SLC25A25: variants seen among roughly 807,000 people sequenced by gnomAD.
SLC25A25 encodes the protein mitochondrial adenyl nucleotide antiporter SLC25A25.
In SLC25A25, 32 loss-of-function variants were observed where a neutral mutation model predicts 57.7. The observed-to-expected ratio is 0.55, with a 90% CI of 0.42 to 0.74. The LOEUF (loss-of-function observed/expected upper bound fraction) is 0.74. Among genes scored for constraint, SLC25A25 ranks in the 30% least tolerant of loss-of-function variants. SLC25A25 has a pLI of 0.00. For synonymous variants in SLC25A25, 306 were observed against 291.2 expected (o/e 1.05, Z -0.52); for missense variants, 556 against 701.3 (o/e 0.79, Z 2.34).
chr9:128,085,758 CT>C (rs1203018950), intron 1 of SLC25A25, among the ~76,000 whole-genome samples: 1 of 152,114 alleles, frequency 6.6e-6, no homozygotes, highest in Non-Finnish European at 1.5e-5. Flanking sequence ...ATACATTGTG[CT>C]TTCTCACCAT....
intron 1 of SLC25A25, among the ~76,000 whole-genome samples, chr9:128,077,185 A>G (rs1833033504): frequency 6.6e-6 from 1 of 152,146 alleles, no homozygotes; most frequent in African/African-American, 2.4e-5. Flanking sequence ...ACAATAACCC[A>G]TGGGGTTTAT....
chr9:128,098,704 C>T lies in SLC25A25; in HGVS notation c.262-2392C>T, dbSNP rs1394014331. Reference sequence around the variant, plus strand: ...TCTTCATCCCCTCCCAGGAATTCTCCACCTACCGCCAGTGGAAGCAGGTCT... The same window carrying T: ...TCTTCATCCCCTCCCAGGAATTCTCTACCTACCGCCAGTGGAAGCAGGTCT... On this transcript the variant is annotated intron_variant, in intron 1 of 10. Coordinates refer to ENST00000373069, the MANE Select transcript of SLC25A25 (RefSeq NM_001330988.2). 4 of 1,614,142 alleles carry T rather than the reference C, an allele frequency of 2.5e-6. No individual in the cohort carries two copies. In the South Asian group the frequency reaches 4.4e-5, roughly 18 times the overall value.
intron 1 of SLC25A25, among the ~76,000 whole-genome samples, chr9:128,072,062 G>A: frequency 6.6e-6 from 1 of 152,194 alleles, no homozygotes; most frequent in East Asian, 1.9e-4. Context: ...AAATTCAGTT[G>A]TTATACAGCT....
At position 128,108,680 on chromosome 9, in the gene SLC25A25, G is replaced by C. The variant is rs950330114; in HGVS notation, c.*1236G>C. On this transcript the variant is annotated 3_prime_UTR_variant, in exon 11 of 11. Coordinates refer to ENST00000373069, the MANE Select transcript of SLC25A25 (RefSeq NM_001330988.2). ...GGATGGGAGGAGGAGGAGAAGGGGG[G>C]CCTTGGGCCGCTGCAGTCACATCTG... 2 of 153,446 alleles carry C rather than the reference G, an allele frequency of 1.3e-5. No homozygotes were observed. Among genetic ancestry groups the C allele is most frequent in the African/African-American group, 2.4e-5 (1 of 41,508 alleles). 9.5% of individuals were successfully genotyped at this position (153,446 alleles called of 1,614,324 possible). A position where few individuals can be genotyped will look rare whatever the true frequency, so the allele number is the denominator to read the frequency against.
rs1246645919 is a variant in SLC25A25 at position 128,099,321 on chromosome 9, A to T, written c.262-1775A>T. The T allele has an allele frequency of 7.9e-7, 1 of 1,272,412 alleles. No homozygotes were observed. The highest frequency in any genetic ancestry group is 1.0e-6 in the Non-Finnish European group (1 of 982,234). 78.8% of individuals were successfully genotyped at this position (1,272,412 alleles called of 1,614,324 possible). A position where few individuals can be genotyped will look rare whatever the true frequency, so the allele number is the denominator to read the frequency against. On this transcript the variant is annotated intron_variant, in intron 1 of 10. Coordinates refer to ENST00000373069, the MANE Select transcript of SLC25A25 (RefSeq NM_001330988.2). The surrounding 1 kb of genome is among the most constrained non-coding windows in gnomAD (Gnocchi z 6.8). ...GATTTGCAGATCCAAGGAAGGAGAC[A>T]GAAGGAGGCCCAGGCCCTGTGAGGC... is the stretch of plus-strand genomic sequence containing the variant.
chr9:128,075,069 G>A (rs373708536), intron 1 of SLC25A25, among the ~76,000 whole-genome samples: 2 of 152,200 alleles, frequency 1.3e-5, no homozygotes, highest in African/African-American at 2.4e-5. Flanking sequence ...CCCGGGCAGC[G>A]GAGGCTGCAG....
chr9:128,105,828 A>G lies in SLC25A25; in HGVS notation c.883A>G (p.Asn295Asp), dbSNP rs1834006793. 3.1e-6 allele frequency: 5 copies of G among 1,614,188 alleles called. No homozygotes were observed. The highest frequency in any genetic ancestry group is 4.2e-6 in the Non-Finnish European group (5 of 1,180,038). The stretch of plus-strand genomic sequence containing the variant: ...GTCACTCTGGCGGGGCAATGGCATC[A>G]ACGTCCTCAAAATTGCCCCCGAATC... Reference protein sequence around the residue: ...ARSLWRGNGINVLKIAPESAI... With the variant: ...ARSLWRGNGIDVLKIAPESAI... Residue 295 changes from asparagine to aspartate, a missense_variant, in exon 7 of 11, where the codon AAC becomes GAC. Asn to Asp is a conservative substitution (Grantham distance 23). Around this residue, in one of 3 missense-constraint regions of SLC25A25, gnomAD observed 294 missense variants for 389.6 expected, o/e 0.75. Transcript: ENST00000373069.
chr9:128,088,982 A>T, intron 1 of SLC25A25, among the ~76,000 whole-genome samples: 1 of 152,096 alleles, frequency 6.6e-6, no homozygotes, highest in African/African-American at 2.4e-5. Flanking sequence ...TGCAGCCTCC[A>T]CTTCCCAGGC....
chr9:128,084,524 A>G (rs115945113), intron 1 of SLC25A25, among the ~76,000 whole-genome samples: 1,570 of 152,176 alleles, frequency 0.01, 28 homozygotes, highest in African/African-American at 0.036. Flanking sequence ...CCAATTTCCA[A>G]TCAGAAAATC....
intron 1 of SLC25A25, among the ~76,000 whole-genome samples, chr9:128,070,837 G>T (rs928211190): frequency 6.6e-6 from 1 of 151,360 alleles, no homozygotes; most frequent in African/African-American, 2.4e-5. Flanking sequence ...TGTAATTCCA[G>T]TACTCGGGAG....
intron 1 of SLC25A25, among the ~76,000 whole-genome samples, chr9:128,086,328 AT>A (rs35134996): frequency 0.53 from 50,139 of 94,990 alleles, 14,200 homozygotes; most frequent in Non-Finnish European, 0.7. Flanking sequence ...TACTCGGCTA[AT>A]TTTTTTTTTT....
At chr9:128,087,588 G>A (rs1420236821) in intron 1 of SLC25A25, among the ~76,000 whole-genome samples, 2 of 152,160 alleles carry the variant, frequency 1.3e-5, no homozygotes, top group Non-Finnish European at 2.9e-5. Flanking sequence ...TCTTAGATTT[G>A]TAGATCTGTA....
chr9:128,100,822 GC>G, intron 1 of SLC25A25: 1 of 448,240 alleles, frequency 2.2e-6, no homozygotes, highest in East Asian at 4.4e-5. Context: ...TGTCCGGAGG[GC>G]TCTTCCCAGG....
Position 128,107,526 on chromosome 9 carries a change from GCCA to G in SLC25A25, c.*83_*85del. ...TGCAGCCATCTCATTCTGTGAATGTGCCAACACTAAGCTGTCTCGAGCCAAGCT... is the reference window on the plus strand; with the variant it reads ...TGCAGCCATCTCATTCTGTGAATGTGACACTAAGCTGTCTCGAGCCAAGCT... On this transcript the variant is annotated 3_prime_UTR_variant, in exon 11 of 11. Transcript: ENST00000373069. 6.9e-7 allele frequency: 1 copy of G among 1,452,020 alleles called. No homozygotes were observed. The highest frequency in any genetic ancestry group is 9.2e-7 in the Non-Finnish European group (1 of 1,090,446). The allele number at this position is 1,452,020 out of a possible 1,614,324, so 89.9% of individuals were successfully genotyped here.
rs1259051798 is a variant in SLC25A25, at chr9:128,104,486, G to A, written c.783+647G>A. Among the ~76,000 whole-genome samples, 3 of 152,232 alleles carry A rather than the reference G, an allele frequency of 2.0e-5. No individual in the cohort carries two copies. In the East Asian group the frequency reaches 5.8e-4, roughly 29 times the overall value. ...GGTGGTTCAGGGCAGAATGCCTCGG[G>A]CTTGGACTCTGCCCAGGGCACCACC... On this transcript the variant is annotated intron_variant, in intron 6 of 10. Coordinates refer to ENST00000373069, the MANE Select transcript of SLC25A25 (RefSeq NM_001330988.2).
intron 1 of SLC25A25, among the ~76,000 whole-genome samples, chr9:128,075,705 G>A (rs1028740805): frequency 4.6e-5 from 7 of 151,868 alleles, no homozygotes; most frequent in East Asian, 3.9e-4. Flanking sequence ...CTAGCCAGGC[G>A]TTGTGGTGTG....
At chr9:128,075,560 G>A (rs1023440236) in intron 1 of SLC25A25, among the ~76,000 whole-genome samples, 1 of 152,070 alleles carries the variant, frequency 6.6e-6, no homozygotes, top group Admixed American at 6.6e-5. Flanking sequence ...AGAAAATGGG[G>A]GCCAAGTGTG....
intron 1 of SLC25A25, among the ~76,000 whole-genome samples, chr9:128,086,390 A>G (rs965239695): frequency 7.6e-5 from 11 of 144,856 alleles, no homozygotes; most frequent in Non-Finnish European, 1.2e-4. Flanking sequence ...CTGGAGTGCA[A>G]TGGCGCGATC....
In SLC25A25 at chr9:128,108,867, G is replaced by C. The variant is rs1834157705; in HGVS notation, c.*1423G>C. 1 of 152,166 alleles carries C rather than the reference G, an allele frequency of 6.6e-6. No homozygotes were observed. Among genetic ancestry groups the C allele is most frequent in the Non-Finnish European group, 1.5e-5 (1 of 68,018 alleles). 9.4% of individuals were successfully genotyped at this position (152,166 alleles called of 1,614,324 possible). A position where few individuals can be genotyped will look rare whatever the true frequency, so the allele number is the denominator to read the frequency against. On this transcript the variant is annotated 3_prime_UTR_variant, in exon 11 of 11. Coordinates refer to ENST00000373069, the MANE Select transcript of SLC25A25 (RefSeq NM_001330988.2). ...GAGAGGGAGGAACCTCAATAACCTT[G>C]AAGGTGGAATCCAGTTATTTCCTGC... is the stretch of plus-strand genomic sequence containing the variant.
Sources: allele counts gnomAD v4.1 joint callset (sites outside exome capture counted in the v4.1 genomes callset), GRCh38; gene constraint gnomAD v4.1.1; regional missense constraint gnomAD v4.1.1; non-coding constraint Gnocchi (gnomAD v3.1); transcripts MANE v1.5; gene names NCBI Gene and HGNC (gene_info 2026-07-23, HGNC 2026-07-21).